Variants in NEB observed in about 807,000 individuals in gnomAD.
NEB encodes the protein nemaline myopathy type 2.
In NEB, 512 loss-of-function variants were observed where a neutral mutation model predicts 952.2. That is an observed-to-expected ratio of 0.54 (90% CI 0.50 to 0.58). The LOEUF is 0.58. Among genes scored for constraint, NEB ranks in the 20% least tolerant of loss-of-function variants. NEB has a pLI of 0.00. For synonymous variants in NEB, 2,900 were observed against 3,149.8 expected, an observed-to-expected ratio of 0.92 and a Z score of 2.66; for missense variants, 8,428 against 9,231.1, an observed-to-expected ratio of 0.91 and a Z score of 3.56.
At chr2:151,490,675 T>A (rs981837680) in intron 179 of NEB, among the ~76,000 whole-genome samples, 157 bp from the exon 180 acceptor site, 1 of 152,202 alleles carries the variant, frequency 6.6e-6, no homozygotes, top group Non-Finnish European at 1.5e-5. Flanking sequence ...TGATGTAGGT[T>A]TGTCTTTCTT....
intron 27 of NEB, 131 bp downstream of exon 27, chr2:151,687,288 C>T (rs2099510129): frequency 2.7e-6 from 2 of 752,662 alleles, no homozygotes; most frequent in Non-Finnish European, 4.4e-6. Flanking sequence ...CTGAAGTTCT[C>T]TACAGCAGTA....
At chr2:151,545,402 C>G (rs994173287) in intron 135 of NEB, among the ~76,000 whole-genome samples, 1 of 151,656 alleles carries the variant, frequency 6.6e-6, no homozygotes, top group African/African-American at 2.4e-5. Context: ...ATGGAGAAAC[C>G]CCATCACTAC....
intron 10 of NEB, among the ~76,000 whole-genome samples, chr2:151,714,619 T>G (rs996998514): frequency 6.6e-6 from 1 of 152,158 alleles, no homozygotes; most frequent in African/African-American, 2.4e-5. Flanking sequence ...CAACCTTCAG[T>G]GGGCCAAGGA....
intron 67 of NEB, among the ~76,000 whole-genome samples, chr2:151,630,336 G>T (rs1352493141): frequency 6.6e-6 from 1 of 152,080 alleles, no homozygotes; most frequent in Admixed American, 6.5e-5. Context: ...GGCCTTTTCT[G>T]CCCCTTTACT....
At chr2:151,536,529 A>G (rs1306330060) in intron 141 of NEB, among the ~76,000 whole-genome samples, 1 of 152,204 alleles carries the variant, frequency 6.6e-6, no homozygotes, top group Non-Finnish European at 1.5e-5. Context: ...TGACCCAGCT[A>G]GCATGCCACC....
chr2:151,634,094 C>G, intron 64 of NEB, 129 bp from the exon 65 acceptor site: 1 of 1,088,042 alleles, frequency 9.2e-7, no homozygotes, highest in Non-Finnish European at 1.3e-6. Flanking sequence ...AAGCCAGTAT[C>G]CTGGCTTTCA....
At position 151,612,362 on chromosome 2, in the gene NEB, G is replaced by GAT; in HGVS notation, c.11628_11629insAT (p.Leu3877IlefsTer2). The GAT allele has an allele frequency of 6.2e-7, 1 of 1,613,728 alleles. No individual in the cohort carries two copies. The highest frequency in any genetic ancestry group is 8.5e-7 in the Non-Finnish European group (1 of 1,179,744). ...ATGGGAACCCATCCTATGCCTCTCA[G>GAT]CCACTCAAGATCAGATTTGTAAATA... On this transcript the variant is annotated frameshift_variant, in exon 78 of 182. Coordinates refer to ENST00000397345, the MANE Select transcript of NEB (RefSeq NM_001164508.2). LOFTEE classifies it high-confidence loss of function.
At position 151,498,287 on chromosome 2, in the gene NEB, G is replaced by GACTC. The variant is rs2061721973; in HGVS notation, c.24176_24179dup (p.Lys8061SerfsTer9). On this transcript the variant is annotated frameshift_variant, in exon 170 of 182. Coordinates refer to ENST00000397345, the MANE Select transcript of NEB (RefSeq NM_001164508.2). LOFTEE classifies it high-confidence loss of function. ...AGCTAAGGTTTTCTTGATTGTGTTT[G>GACTC]ACTCTCTGCATCTCAGGAGTGATGG... The GACTC allele has an allele frequency of 1.9e-6, 3 of 1,551,508 alleles. No individual in the cohort carries two copies. The highest frequency in any genetic ancestry group is 2.6e-6 in the Non-Finnish European group (3 of 1,146,864).
Position 151,485,438 on chromosome 2 carries a change from GA to G in NEB, c.*321del. On this transcript the variant is annotated 3_prime_UTR_variant, in exon 182 of 182. Transcript: ENST00000397345. ...ATAATAAGCATTAGCAATCAGCAAG[GA>G]AAAGGTGAACATCTCTGCTATTTTT... 1 of 207,080 alleles carries G rather than the reference GA, an allele frequency of 4.8e-6. No homozygotes were observed. The highest frequency in any genetic ancestry group is 9.6e-6 in the Non-Finnish European group (1 of 104,170). The allele number at this position is 207,080 out of a possible 1,614,324, so 12.8% of individuals were successfully genotyped here.
rs1168777497 is a variant in NEB, at chr2:151,514,901, A to T, written c.22933T>A (p.Ser7645Thr). The T allele has an allele frequency of 1.3e-6, 2 of 1,577,346 alleles. No individual in the cohort carries two copies. The highest frequency in any genetic ancestry group is 1.3e-5 in the African/African-American group (1 of 74,342). The change falls in exon 158 of 182, where the codon TCC becomes ACC. Residue 7645 changes from serine to threonine, a missense_variant. Ser to Thr is a moderately conservative substitution (Grantham distance 58). Coordinates refer to ENST00000397345, the MANE Select transcript of NEB (RefSeq NM_001164508.2). ...CCAGTCAGGTTTCTGCCTTTAATGG[A>T]CTCTTCATAATCTTTCCTATATTCT... Reference protein sequence around the residue: ...GKEYRKDYEESIKGRNLTGLE... With the variant: ...GKEYRKDYEETIKGRNLTGLE...
intron 130 of NEB, among the ~76,000 whole-genome samples, chr2:151,548,858 T>C (rs979550211): frequency 1.3e-4 from 20 of 152,306 alleles, no homozygotes; most frequent in Non-Finnish European, 2.6e-4. Flanking sequence ...GGAAGTACAT[T>C]ATTGAGCCAC....
chr2:151,692,480 A>G (rs1235621800), intron 20 of NEB, 118 bp from the exon 21 acceptor site: 1 of 805,216 alleles, frequency 1.2e-6, no homozygotes, highest in Admixed American at 2.0e-5. Flanking sequence ...TTTTCTCACC[A>G]TCAATTTTCC....
At chr2:151,497,340 A>G in intron 171 of NEB, 3 of 982,494 alleles carry the variant, frequency 3.1e-6, no homozygotes, top group Admixed American at 6.1e-5. Flanking sequence ...TGAGGATTTG[A>G]GACAGTTAGA....
chr2:151,518,464 T>C lies in NEB; in HGVS notation c.22696-42A>G, dbSNP rs765629926. On this transcript the variant is annotated intron_variant, in intron 155 of 181. Coordinates refer to ENST00000397345, the MANE Select transcript of NEB (RefSeq NM_001164508.2). ...AAAAAAGGCACATTGATGGAGAAGCTGCTCAGCATTCCTATTTTTCCTCTT... is the reference window on the plus strand; with the variant it reads ...AAAAAAGGCACATTGATGGAGAAGCCGCTCAGCATTCCTATTTTTCCTCTT... The C allele has an allele frequency of 6.6e-6, 8 of 1,203,102 alleles. No homozygotes were observed. In the South Asian group the frequency reaches 9.9e-5, roughly 15 times the overall value. The allele number at this position is 1,203,102 out of a possible 1,614,324, so 74.5% of individuals were successfully genotyped here.
intron 5 of NEB, among the ~76,000 whole-genome samples, chr2:151,725,812 G>T (rs915711737): frequency 1.3e-5 from 2 of 152,154 alleles, no homozygotes; most frequent in Admixed American, 6.5e-5. Flanking sequence ...ACCCTAAAAT[G>T]ATTCTTTCAA....
intron 131 of NEB, 93 bp from the exon 132 acceptor site, chr2:151,547,831 G>T (rs1553715936): frequency 1.2e-6 from 1 of 803,696 alleles, no homozygotes; most frequent in Non-Finnish European, 2.0e-6. Flanking sequence ...ACATAAGGAA[G>T]AGGGGAGGAA....
intron 156 of NEB, among the ~76,000 whole-genome samples, chr2:151,516,878 A>G (rs2078005632): frequency 6.6e-6 from 1 of 152,220 alleles, no homozygotes; most frequent in Admixed American, 6.5e-5. Flanking sequence ...ACCCAGGTAG[A>G]TGAGGTTGGT....
Position 151,485,508 on chromosome 2 carries a change from GAAAT to G in NEB, c.*248_*251del. 2.9e-6 allele frequency: 1 copy of G among 342,310 alleles called. No homozygotes were observed. Among genetic ancestry groups the G allele is most frequent in the Non-Finnish European group, 5.2e-6 (1 of 190,722 alleles). 21.2% of individuals were successfully genotyped at this position (342,310 alleles called of 1,614,324 possible). ...TATTCAAAATCCCTGTTTTAGAAAA[GAAAT>G]AATGTTAAAACATGTTTATAATGGA... On this transcript the variant is annotated 3_prime_UTR_variant, in exon 182 of 182. Coordinates refer to ENST00000397345, the MANE Select transcript of NEB (RefSeq NM_001164508.2).
chr2:151,534,619 G>A (rs2092692338), intron 142 of NEB, among the ~76,000 whole-genome samples: 1 of 152,164 alleles, frequency 6.6e-6, no homozygotes, highest in African/African-American at 2.4e-5. Context: ...GCATCTAACG[G>A]TATATTTAAA....
Sources: allele counts gnomAD v4.1 joint callset (sites outside exome capture counted in the v4.1 genomes callset), GRCh38; gene constraint gnomAD v4.1.1; transcripts MANE v1.5; gene names NCBI Gene and HGNC (gene_info 2026-07-23, HGNC 2026-07-21).